The following EVA1C variants were observed in gnomAD, a reference collection of about 807,000 sequenced individuals.
EVA1C encodes protein eva-1 homolog C.
In EVA1C, 25 loss-of-function variants were observed where a neutral mutation model predicts 45.4. The observed-to-expected ratio is 0.55, with a 90% CI of 0.40 to 0.77. The LOEUF (loss-of-function observed/expected upper bound fraction) is 0.77, where lower values mean the gene tolerates loss of function less well. EVA1C is among the 30% of genes least tolerant of loss of function. The pLI is 0.00. For synonymous variants in EVA1C, 190 were observed against 221.2 expected, an observed-to-expected ratio of 0.86 and a Z score of 1.25; for missense variants, 479 against 554.8, an observed-to-expected ratio of 0.86 and a Z score of 1.37.
chr21:32,504,616 T>C (rs2146447156), intron 7 of EVA1C, among the ~76,000 whole-genome samples: 1 of 152,320 alleles, frequency 6.6e-6, no homozygotes, highest in South Asian at 2.1e-4. Flanking sequence ...CCCTCTCTGC[T>C]TATCTTAAGA....
chr21:32,485,068 C>T (rs781631153), intron 4 of EVA1C, among the ~76,000 whole-genome samples: 3 of 152,218 alleles, frequency 2.0e-5, no homozygotes, highest in African/African-American at 4.8e-5. Context: ...ATGCGTCTTC[C>T]TCTGTAGTTG....
rs758559926 is a variant in EVA1C at position 32,507,789 on chromosome 21, CAT to C, written c.949+3777_949+3778del. Among the ~76,000 whole-genome samples the C allele has an allele frequency of 2.3e-3, 349 of 149,502 alleles. 1 individual carries two copies. Among genetic ancestry groups the C allele is most frequent in the Admixed American group, 4.3e-3 (65 of 15,014 alleles). On this transcript the variant is annotated intron_variant, in intron 7 of 7. Coordinates refer to ENST00000300255, the MANE Select transcript of EVA1C (RefSeq NM_058187.5). ...GTGTGCATGTATGTGTATCTCTGTGCATATGTGTATCTCTGTGTGCATGTATG... is the reference window on the plus strand; with the variant it reads ...GTGTGCATGTATGTGTATCTCTGTGCATGTGTATCTCTGTGTGCATGTATG...
At chr21:32,509,177 G>C (rs2037867660) in intron 7 of EVA1C, among the ~76,000 whole-genome samples, 1 of 152,168 alleles carries the variant, frequency 6.6e-6, no homozygotes, top group African/African-American at 2.4e-5. Context: ...CAACAAGAGG[G>C]GTTGGACCAG....
intron 7 of EVA1C, among the ~76,000 whole-genome samples, chr21:32,511,428 AAAAAAAAAAAAAAG>A (rs1249606164): frequency 2.7e-5 from 4 of 150,662 alleles, no homozygotes; most frequent in African/African-American, 9.7e-5. Flanking sequence ...TCAAAAAAAA[AAAAAAAAAAAAAAG>A]AAAGAAAGAA....
chr21:32,469,167 G>T (rs1224955616), intron 4 of EVA1C, among the ~76,000 whole-genome samples: 1 of 152,202 alleles, frequency 6.6e-6, no homozygotes, highest in Admixed American at 6.5e-5. Context: ...CACCCTCGTG[G>T]AGCTGACGTT....
At chr21:32,497,051 A>G (rs1013273206) in intron 5 of EVA1C, 14 of 1,180,824 alleles carry the variant, frequency 1.2e-5, no homozygotes, top group African/African-American at 7.5e-5. Flanking sequence ...GGATGAGCCA[A>G]TGGAAGGAAT....
intron 1 of EVA1C, among the ~76,000 whole-genome samples, chr21:32,418,757 A>G (rs1390615168): frequency 3.7e-5 from 2 of 53,750 alleles, no homozygotes; most frequent in Admixed American, 3.6e-4. Flanking sequence ...GCAAGGCCAG[A>G]AAAAAAAAGT....
intron 1 of EVA1C, among the ~76,000 whole-genome samples, chr21:32,424,999 C>T (rs919639614): frequency 2.0e-5 from 3 of 151,900 alleles, no homozygotes; most frequent in African/African-American, 4.8e-5. Context: ...TGGGACTACA[C>T]ACCCCGCTAA....
chr21:32,460,318 T>C (rs555211079), intron 3 of EVA1C, among the ~76,000 whole-genome samples: 1 of 152,310 alleles, frequency 6.6e-6, no homozygotes, highest in South Asian at 2.1e-4. Flanking sequence ...AAGAGAGGCT[T>C]TCTCTGTCCA....
intron 1 of EVA1C, among the ~76,000 whole-genome samples, chr21:32,442,816 C>G (rs147457472): frequency 6.6e-6 from 1 of 152,012 alleles, no homozygotes; most frequent in Non-Finnish European, 1.5e-5. Context: ...ATTCTTATAT[C>G]CTGCGTTCAG....
chr21:32,483,128 G>A (rs1054684945), intron 4 of EVA1C, among the ~76,000 whole-genome samples: 13 of 152,162 alleles, frequency 8.5e-5, no homozygotes, highest in African/African-American at 3.1e-4. Context: ...CAAAATGTTG[G>A]GATTACAGGG....
At chr21:32,513,776 A>G (rs1271294513) in intron 7 of EVA1C, among the ~76,000 whole-genome samples, 1 of 151,758 alleles carries the variant, frequency 6.6e-6, no homozygotes, top group African/African-American at 2.4e-5. Flanking sequence ...CCTGAACTCA[A>G]GCAATCCACC....
intron 3 of EVA1C, among the ~76,000 whole-genome samples, chr21:32,465,440 T>C (rs2036138531): frequency 6.6e-6 from 1 of 152,206 alleles, no homozygotes; most frequent in African/African-American, 2.4e-5. Flanking sequence ...AATGCTTGTT[T>C]GGCTGAAAAA....
chr21:32,495,163 C>A lies in EVA1C; in HGVS notation c.771C>A (p.Tyr257Ter). The change falls in exon 5 of 8, where the codon TAC (tyrosine) becomes TAA (stop). Residue 257 changes from tyrosine (Y) to a stop codon, truncating the protein, a stop_gained. Coordinates refer to ENST00000300255, the MANE Select transcript of EVA1C (RefSeq NM_058187.5). LOFTEE classifies it high-confidence loss of function. ...TGAAAAAATACCTCACTGTGACCTA[C>A]GCATGTGGTAAGAACACACCCCCGA... ...PGVKKYLTVT[Y>*]ACVPKNILTA... is the part of the protein sequence containing the mutation. 1.2e-6 allele frequency: 2 copies of A among 1,613,984 alleles called. No homozygotes were observed. The highest frequency in any genetic ancestry group is 8.5e-7 in the Non-Finnish European group (1 of 1,179,982).
Position 32,453,435 on chromosome 21 carries a change from A to T in EVA1C, c.284A>T (p.Gln95Leu). 1 of 1,611,762 alleles carries T rather than the reference A, an allele frequency of 6.2e-7. No individual in the cohort carries two copies. The highest frequency in any genetic ancestry group is 1.1e-5 in the South Asian group (1 of 90,972). Residue 95 changes from glutamine to leucine, a missense_variant, in exon 2 of 8, where the codon CAA becomes CTA. Coordinates refer to ENST00000300255, the MANE Select transcript of EVA1C (RefSeq NM_058187.5). ...VQSAFYGQDYQMCSSQKPASQ... is the reference protein window; with the variant it reads ...VQSAFYGQDYLMCSSQKPASQ... ...TCGGCATTTTATGGGCAAGATTACC[A>T]AATGTGTAGTTCCCAGAAGCCTGCC...
intron 3 of EVA1C, among the ~76,000 whole-genome samples, chr21:32,464,775 T>C (rs2036117136): frequency 6.6e-6 from 1 of 152,034 alleles, no homozygotes; most frequent in African/African-American, 2.4e-5. Flanking sequence ...TGAGCCAAGA[T>C]TGCACCCCCC....
At chr21:32,494,858 T>C (rs1014204196) in intron 4 of EVA1C, among the ~76,000 whole-genome samples, 169 bp from the exon 5 acceptor site, 4 of 152,064 alleles carry the variant, frequency 2.6e-5, no homozygotes, top group Non-Finnish European at 5.9e-5. Context: ...AGGATCATGA[T>C]GCTGGCTCTG....
At chr21:32,494,925 T>A (rs1299683892) in intron 4 of EVA1C, 102 bp from the exon 5 acceptor site, 2 of 1,247,720 alleles carry the variant, frequency 1.6e-6, no homozygotes, top group Non-Finnish European at 1.1e-6. Context: ...TCCATTTGAT[T>A]TGAATCCAGC....
chr21:32,491,772 T>C (rs187987969), intron 4 of EVA1C, among the ~76,000 whole-genome samples: 9 of 150,084 alleles, frequency 6.0e-5, no homozygotes, highest in Non-Finnish European at 1.3e-4. Flanking sequence ...GTCCAGTTAC[T>C]AGACTTGCTG....
Sources: gnomAD v4.1 joint callset for allele counts (sites outside exome capture counted in the v4.1 genomes callset) on GRCh38, gnomAD v4.1.1 for gene constraint, MANE v1.5 for transcripts, NCBI Gene and HGNC (gene_info 2026-07-23, HGNC 2026-07-21) for gene names.